The following PHACTR2 variants were observed in gnomAD, a reference collection of about 807,000 sequenced individuals.
PHACTR2 encodes the protein chromosome 6 open reading frame 56.
Under a neutral mutation model 76.0 loss-of-function variants are expected in PHACTR2, and 30 were observed. That is an observed-to-expected ratio of 0.39 (90% confidence interval 0.30 to 0.54). PHACTR2 has a LOEUF of 0.54. PHACTR2 is among the 20% of genes least tolerant of loss of function. The pLI is 0.61. For missense variants in PHACTR2, 696 were observed against 781.1 expected (o/e 0.89, Z 1.30); for synonymous variants, 292 against 292.5 (o/e 1.00, Z 0.02).
intron 10 of PHACTR2, among the ~76,000 whole-genome samples, chr6:143,788,404 A>T (rs1203184791): frequency 6.6e-6 from 1 of 152,174 alleles, no homozygotes; most frequent in East Asian, 1.9e-4. Context: ...TGCCTTGATA[A>T]TTCAATCACC....
At chr6:143,660,683 A>T (rs1242365904) in intron 1 of PHACTR2, among the ~76,000 whole-genome samples, 1 of 152,230 alleles carries the variant, frequency 6.6e-6, no homozygotes, top group Non-Finnish European at 1.5e-5. Context: ...TCCAAATAAC[A>T]TTCAGTCCAG....
rs1778982169 is a variant in PHACTR2 at position 143,743,190 on chromosome 6, C to T, written c.215-5795C>T. On this transcript the variant is annotated intron_variant, in intron 2 of 12. Coordinates refer to ENST00000440869, the MANE Select transcript of PHACTR2 (RefSeq NM_001100164.2). The surrounding 1 kb of genome is among the most constrained non-coding windows in gnomAD (Gnocchi z 5.0). ...ATTTCACCCGAGAGGGATAGGGAAA[C>T]AGTCTAAATTCTAGGAAGAAGGAAC... 6.6e-6 allele frequency among the ~76,000 whole-genome samples: 1 copy of T among 152,098 alleles called. No homozygotes were observed. Among genetic ancestry groups the T allele is most frequent in the South Asian group, 2.1e-4 (1 of 4,828 alleles).
rs1372140247 is a variant in PHACTR2, at chr6:143,624,888, C to A, written c.13+16566C>A. On this transcript the variant is annotated intron_variant, in intron 1 of 11. Coordinates refer to the PHACTR2 transcript ENST00000305766. The surrounding 1 kb of genome is among the most constrained non-coding windows in gnomAD (Gnocchi z 4.6). Reference sequence around the variant, plus strand: ...ATAGTCAAGGAGGCCGGGAACGGTGCCTCACACCTGTAATCCCAGTACTTT... The same window carrying A: ...ATAGTCAAGGAGGCCGGGAACGGTGACTCACACCTGTAATCCCAGTACTTT... Among the ~76,000 whole-genome samples the A allele has an allele frequency of 1.3e-5, 2 of 151,988 alleles. No individual in the cohort carries two copies. Among genetic ancestry groups the A allele is most frequent in the Non-Finnish European group, 2.9e-5 (2 of 67,978 alleles).
At chr6:143,699,697 C>T in intron 1 of PHACTR2, among the ~76,000 whole-genome samples, 1 of 152,160 alleles carries the variant, frequency 6.6e-6, no homozygotes. Flanking sequence ...CCAGCCATAC[C>T]CTTGTAGAGG....
intron 1 of PHACTR2, among the ~76,000 whole-genome samples, chr6:143,635,459 G>A (rs531852168): frequency 7.9e-4 from 120 of 152,220 alleles, no homozygotes; most frequent in African/African-American, 2.8e-3. Flanking sequence ...TCAAAAGTAC[G>A]TAGCTTTAAA....
chr6:143,810,514 A>G (rs1195797669), intron 12 of PHACTR2: 7 of 449,684 alleles, frequency 1.6e-5, no homozygotes, highest in Non-Finnish European at 3.1e-5. Flanking sequence ...ATTGATTTCT[A>G]TTAGATTGGG....
intron 1 of PHACTR2, among the ~76,000 whole-genome samples, chr6:143,660,311 A>G (rs1776927024): frequency 1.3e-5 from 2 of 152,128 alleles, no homozygotes; most frequent in Admixed American, 6.5e-5. Context: ...CAATCATGGC[A>G]GAAGGCAAGG....
Position 143,789,069 on chromosome 6 carries a change from A to G in PHACTR2, c.1845+159A>G, listed in dbSNP as rs1775619761. The G allele has an allele frequency of 3.5e-6, 2 of 569,820 alleles. No individual in the cohort carries two copies. The highest frequency in any genetic ancestry group is 5.7e-5 in the East Asian group (2 of 35,334). 35.3% of individuals were successfully genotyped at this position (569,820 alleles called of 1,614,324 possible). ...TTTAAGCCACTTAAGTGATACATTT[A>G]GTGATATCAATGTAGTTCTTTCAAC... On this transcript the variant is annotated intron_variant, in intron 11 of 12. Coordinates refer to ENST00000440869, the MANE Select transcript of PHACTR2 (RefSeq NM_001100164.2). This position sits in a 1 kb window ranked among gnomAD's most constrained non-coding sequence, Gnocchi z 5.1.
chr6:143,718,535 T>C (rs1257835061), intron 2 of PHACTR2, among the ~76,000 whole-genome samples: 1 of 152,234 alleles, frequency 6.6e-6, no homozygotes, highest in African/African-American at 2.4e-5. Context: ...GGCTCTAATA[T>C]ATGGTTTTGC....
Position 143,657,591 on chromosome 6 carries a change from C to G in PHACTR2, c.13+49269C>G, listed in dbSNP as rs548070378. 1.6e-3 allele frequency among the ~76,000 whole-genome samples: 239 copies of G among 152,282 alleles called. 1 individual carries two copies. The highest frequency in any genetic ancestry group is 5.5e-3 in the African/African-American group (229 of 41,564). Reference sequence around the variant, plus strand: ...CCCTGGGAAGAGACAGAGATGAACACGCAGGGCATTGATAAAGGAGTTCTC... The same window carrying G: ...CCCTGGGAAGAGACAGAGATGAACAGGCAGGGCATTGATAAAGGAGTTCTC... On this transcript the variant is annotated intron_variant, in intron 1 of 11. Coordinates refer to the PHACTR2 transcript ENST00000305766.
In PHACTR2 at chr6:143,624,635, C is replaced by T. The variant is rs1442254816; in HGVS notation, c.13+16313C>T. The stretch of plus-strand genomic sequence containing the variant: ...CGGCTTTTTTCACATGGCTAAATTC[C>T]AGCCTGTGTCTGCTTGGATGGGGAC... On this transcript the variant is annotated intron_variant, in intron 1 of 11. Coordinates refer to the PHACTR2 transcript ENST00000305766. This position sits in a 1 kb window ranked among gnomAD's most constrained non-coding sequence, Gnocchi z 4.6. 2.0e-5 allele frequency among the ~76,000 whole-genome samples: 3 copies of T among 152,014 alleles called. No individual in the cohort carries two copies. Among genetic ancestry groups the T allele is most frequent in the African/African-American group, 4.8e-5 (2 of 41,368 alleles).
At chr6:143,717,114 C>T (rs991079562) in intron 2 of PHACTR2, among the ~76,000 whole-genome samples, 1 of 152,208 alleles carries the variant, frequency 6.6e-6, no homozygotes, top group Non-Finnish European at 1.5e-5. Flanking sequence ...GTCCATAGCT[C>T]TTGGACTTCA....
At chr6:143,675,047 T>A (rs1777217459), upstream of PHACTR2, among the ~76,000 whole-genome samples, 2 of 152,182 alleles carry the variant, frequency 1.3e-5, no homozygotes, top group Non-Finnish European at 2.9e-5. This position sits in a 1 kb window ranked among gnomAD's most constrained non-coding sequence, Gnocchi z 4.9. Context: ...AGTCTAAGAC[T>A]TCCCACATCA....
In PHACTR2 at chr6:143,765,602, C is replaced by T; in HGVS notation, c.1036C>T (p.Pro346Ser). ...ACCCCCTGTGGCTCCAGCACCTTCTCCTCTGGCCCCCCCTCTCCCTCTTGA... is the reference window on the plus strand; with the variant it reads ...ACCCCCTGTGGCTCCAGCACCTTCTTCTCTGGCCCCCCCTCTCCCTCTTGA... Reference protein sequence around the residue: ...PPPPVAPAPSPLAPPLPLEDQ... With the variant: ...PPPPVAPAPSSLAPPLPLEDQ... Residue 346 changes from proline (P) to serine (S), a missense_variant, in exon 6 of 13, where the codon CCT becomes TCT. By Grantham distance (74) the Pro-to-Ser change is moderately conservative. This residue lies in a region of PHACTR2 where 460 missense variants were observed against 450.9 expected (regional missense o/e 1.02). Transcript: ENST00000440869. This position sits in a 1 kb window ranked among gnomAD's most constrained non-coding sequence, Gnocchi z 4.1. 6.2e-7 allele frequency: 1 copy of T among 1,614,082 alleles called. No homozygotes were observed. The highest frequency in any genetic ancestry group is 8.5e-7 in the Non-Finnish European group (1 of 1,179,946).
rs150036402 is a variant in PHACTR2 at position 143,624,017 on chromosome 6, C to T, written c.13+15695C>T. ...AGACCCTGCCTCCCCACCCACTCCC[C>T]ACCCTGCCCCAGTGTAAGCTATTAT... On this transcript the variant is annotated intron_variant, in intron 1 of 11. Transcript: ENST00000305766. This position sits in a 1 kb window ranked among gnomAD's most constrained non-coding sequence, Gnocchi z 4.6. Among the ~76,000 whole-genome samples, 1,119 of 152,288 alleles carry T rather than the reference C, an allele frequency of 7.3e-3. 15 individuals are homozygous for T. Among genetic ancestry groups the T allele is most frequent in the African/African-American group, 0.025 (1,050 of 41,568 alleles).
In PHACTR2 at chr6:143,548,411, G is replaced by A. The variant is rs778134427; in HGVS notation, c.217+11204G>A. 3.9e-5 allele frequency among the ~76,000 whole-genome samples: 6 copies of A among 152,114 alleles called. No homozygotes were observed. Among genetic ancestry groups the A allele is most frequent in the South Asian group, 4.2e-4 (2 of 4,812 alleles). On this transcript the variant is annotated intron_variant, in intron 1 of 11. Coordinates refer to the PHACTR2 transcript ENST00000367584. This position sits in a 1 kb window ranked among gnomAD's most constrained non-coding sequence, Gnocchi z 4.5. ...AATCTGTCTTTCCATCCATTCAACC[G>A]TCCATCCTTCTGTCTTTCCCTCCCT...
Position 143,764,870 on chromosome 6 carries a change from T to A in PHACTR2, c.695-391T>A, listed in dbSNP as rs1174145361. Among the ~76,000 whole-genome samples, 1 of 152,232 alleles carries A rather than the reference T, an allele frequency of 6.6e-6. No individual in the cohort carries two copies. Among genetic ancestry groups the A allele is most frequent in the African/African-American group, 2.4e-5 (1 of 41,462 alleles). On this transcript the variant is annotated intron_variant, in intron 5 of 12. Coordinates refer to ENST00000440869, the MANE Select transcript of PHACTR2 (RefSeq NM_001100164.2). The surrounding 1 kb of genome is among the most constrained non-coding windows in gnomAD (Gnocchi z 4.7). ...GTATAATTTATGATGAGCCTAATTG[T>A]GTGCTACACCCAGCTAGCTGCTGAT...
rs1441387087 is a variant in PHACTR2, at chr6:143,548,988, C to A, written c.217+11781C>A. ...CATTGGCTGGGGTGAGGTGGGGGCACCTGTGGCTTGAGGAGTATAAAGAGT... is the reference window on the plus strand; with the variant it reads ...CATTGGCTGGGGTGAGGTGGGGGCAACTGTGGCTTGAGGAGTATAAAGAGT... On this transcript the variant is annotated intron_variant, in intron 1 of 11. Coordinates refer to the PHACTR2 transcript ENST00000367584. The surrounding 1 kb of genome is among the most constrained non-coding windows in gnomAD (Gnocchi z 4.5). Among the ~76,000 whole-genome samples the A allele has an allele frequency of 6.6e-6, 1 of 151,764 alleles. No homozygotes were observed. The highest frequency in any genetic ancestry group is 1.5e-5 in the Non-Finnish European group (1 of 67,912).
At position 143,549,788 on chromosome 6, in the gene PHACTR2, G is replaced by A. The variant is rs1014671192; in HGVS notation, c.217+12581G>A. Among the ~76,000 whole-genome samples the A allele has an allele frequency of 6.6e-6, 1 of 151,704 alleles. No individual in the cohort carries two copies. The highest frequency in any genetic ancestry group is 1.5e-5 in the Non-Finnish European group (1 of 67,892). ...CTTCCCTTGATGTTCATGTTTGCAG[G>A]CCCTCACCTGTGTTAAAGTCATGCT... On this transcript the variant is annotated intron_variant, in intron 1 of 11. Coordinates refer to the PHACTR2 transcript ENST00000367584. The surrounding 1 kb of genome is among the most constrained non-coding windows in gnomAD (Gnocchi z 4.2).
Sources: gnomAD v4.1 joint callset for allele counts (sites outside exome capture counted in the v4.1 genomes callset) on GRCh38, gnomAD v4.1.1 for gene constraint, gnomAD v4.1.1 regional missense constraint, Gnocchi (gnomAD v3.1) non-coding constraint, MANE v1.5 for transcripts, NCBI Gene and HGNC (gene_info 2026-07-23, HGNC 2026-07-21) for gene names.